Variants in TEX9 observed in about 807,000 individuals in gnomAD.
TEX9 encodes testis expressed 9, also known as testis-expressed protein 9.
In TEX9, 74 loss-of-function variants were observed where a neutral mutation model predicts 59.6. The ratio of observed to expected loss-of-function variants is 1.24; its 90% CI spans 1.03 to 1.51. The LOEUF (loss-of-function observed/expected upper bound fraction) is 1.51. TEX9 is among the 40% of genes most tolerant of loss of function. The pLI, the probability that TEX9 is intolerant of heterozygous loss-of-function variation, is 0.00. For missense variants in TEX9, 522 were observed against 447.8 expected (o/e 1.17, Z -1.49); for synonymous variants, 186 against 152.2 (o/e 1.22, Z -1.64).
At chr15:56,428,818 T>C (rs919895129) in intron 12 of TEX9, 1 of 375,950 alleles carries the variant, frequency 2.7e-6, no homozygotes. Flanking sequence ...TGGGGTAGAG[T>C]TCTGTATTAG....
At chr15:56,420,606 CCT>C (rs1388979488) in intron 10 of TEX9, among the ~76,000 whole-genome samples, 4 of 151,876 alleles carry the variant, frequency 2.6e-5, no homozygotes, top group Admixed American at 6.5e-5. Context: ...TCACGCCTGG[CCT>C]CTTTTTCTAA....
intron 1 of TEX9, among the ~76,000 whole-genome samples, chr15:56,281,314 C>T (rs1458800977): frequency 6.6e-5 from 10 of 152,210 alleles, no homozygotes; most frequent in African/African-American, 2.2e-4. Flanking sequence ...AGGCTGCAGA[C>T]GGGTACTGAT....
chr15:56,429,133 G>T, intron 12 of TEX9: 1 of 1,600,484 alleles, frequency 6.2e-7, no homozygotes, highest in South Asian at 1.1e-5. Context: ...CTCCTTTGTT[G>T]ATATACTTTC....
intron 9 of TEX9, among the ~76,000 whole-genome samples, chr15:56,399,852 G>A (rs1288643130): frequency 6.6e-6 from 1 of 152,160 alleles, no homozygotes; most frequent in Non-Finnish European, 1.5e-5. Flanking sequence ...AGGGTGTGGA[G>A]TGGACCTCCA....
At chr15:56,308,832 A>G (rs1371299508) in intron 1 of TEX9, among the ~76,000 whole-genome samples, 1 of 152,132 alleles carries the variant, frequency 6.6e-6, no homozygotes, top group Non-Finnish European at 1.5e-5. Context: ...ATTATTTTAT[A>G]CTATTGCTGA....
Position 56,282,673 on chromosome 15 carries a change from A to G in TEX9, c.-107+38395A>G, listed in dbSNP as rs577096813. On this transcript the variant is annotated intron_variant, in intron 1 of 5. Coordinates refer to the TEX9 transcript ENST00000560827. Reference sequence around the variant, plus strand: ...TTTGTGGGAAAAAATATCCTAAGCTATTAATAATACCTGAAGGGTGGTTTA... The same window carrying G: ...TTTGTGGGAAAAAATATCCTAAGCTGTTAATAATACCTGAAGGGTGGTTTA... 1.2e-4 allele frequency among the ~76,000 whole-genome samples: 18 copies of G among 152,288 alleles called. No homozygotes were observed. In the South Asian group the frequency reaches 2.7e-3, roughly 23 times the overall value.
At chr15:56,421,245 G>C (rs1412129431) in intron 10 of TEX9, among the ~76,000 whole-genome samples, 1 of 151,814 alleles carries the variant, frequency 6.6e-6, no homozygotes, top group Non-Finnish European at 1.5e-5. Flanking sequence ...TTAATACCCA[G>C]TATCTAAGAA....
upstream of TEX9, among the ~76,000 whole-genome samples, chr15:56,363,982 A>G (rs1209893867): frequency 1.3e-5 from 2 of 150,478 alleles, no homozygotes; most frequent in East Asian, 2.0e-4. Flanking sequence ...GCACCTACCT[A>G]TTTTTGAATT....
intron 2 of TEX9, among the ~76,000 whole-genome samples, chr15:56,366,540 T>G (rs536572992): frequency 6.6e-6 from 1 of 152,328 alleles, no homozygotes; most frequent in East Asian, 1.9e-4. Flanking sequence ...GATTTTTCTT[T>G]CTAATTAGCA....
the TEX9 span, among the ~76,000 whole-genome samples, chr15:56,454,060 A>G: frequency 6.8e-6 from 1 of 148,080 alleles, no homozygotes; most frequent in African/African-American, 2.5e-5. Flanking sequence ...AAATAAAAAC[A>G]CTCTTAGCAA....
chr15:56,397,177 G>A (rs1265736924), intron 9 of TEX9: 2 of 166,466 alleles, frequency 1.2e-5, no homozygotes, highest in Non-Finnish European at 2.5e-5. Context: ...TGGAGATGAG[G>A]AACTTGTTAG....
chr15:56,451,623 CT>C, the TEX9 span, among the ~76,000 whole-genome samples: 40 of 152,212 alleles, frequency 2.6e-4, no homozygotes, highest in African/African-American at 9.6e-4. Context: ...GTTAAAAATA[CT>C]TTCTAATTTC....
At chr15:56,254,947 A>T (rs1220566684) in intron 1 of TEX9, among the ~76,000 whole-genome samples, 1 of 151,994 alleles carries the variant, frequency 6.6e-6, no homozygotes, top group Non-Finnish European at 1.5e-5. Context: ...TGAAAGGATG[A>T]CTATAGGATA....
chr15:56,260,756 CA>C (rs540830840), intron 1 of TEX9, among the ~76,000 whole-genome samples: 3 of 151,722 alleles, frequency 2.0e-5, no homozygotes, highest in African/African-American at 7.2e-5. Context: ...GTTCTAGCCT[CA>C]AAAAAATGAA....
At chr15:56,370,943 G>A (rs996638842) in intron 2 of TEX9, among the ~76,000 whole-genome samples, 43 of 152,018 alleles carry the variant, frequency 2.8e-4, no homozygotes, top group African/African-American at 1.0e-3. Context: ...TGCAACCTCC[G>A]CCTCCCAGGT....
chr15:56,300,747 CTTCAT>C (rs145031580), intron 1 of TEX9, among the ~76,000 whole-genome samples: 3 of 105,772 alleles, frequency 2.8e-5, no homozygotes, highest in African/African-American at 1.2e-4. Flanking sequence ...GAGAGAGAGA[CTTCAT>C]TTCATTTGTT....
intron 1 of TEX9, among the ~76,000 whole-genome samples, chr15:56,302,273 A>G (rs1265414212): frequency 1.3e-5 from 2 of 151,666 alleles, no homozygotes; most frequent in African/African-American, 4.9e-5. Flanking sequence ...GGATTGCTTG[A>G]GCCCAGGAGT....
At chr15:56,308,597 T>G (rs2045535034) in intron 1 of TEX9, among the ~76,000 whole-genome samples, 1 of 152,192 alleles carries the variant, frequency 6.6e-6, no homozygotes, top group East Asian at 1.9e-4. Context: ...TTTTGTTGCA[T>G]GTGCTTTTGG....
chr15:56,327,448 T>C (rs926680957), intron 1 of TEX9, among the ~76,000 whole-genome samples: 1 of 152,136 alleles, frequency 6.6e-6, no homozygotes, highest in Non-Finnish European at 1.5e-5. Context: ...TGAAGCAAGA[T>C]GGCAAGTAGA....
Sources: allele counts gnomAD v4.1 joint callset (sites outside exome capture counted in the v4.1 genomes callset), GRCh38; gene constraint gnomAD v4.1.1; transcripts MANE v1.5; gene names NCBI Gene and HGNC (gene_info 2026-07-23, HGNC 2026-07-21).